RNF135: variants seen among roughly 807,000 people sequenced by gnomAD.
The protein encoded by RNF135 is ring finger protein 135, also known as E3 ubiquitin-protein ligase RNF135.
In RNF135, 46 loss-of-function variants were observed where a neutral mutation model predicts 41.9. The observed-to-expected ratio is 1.10, with a 90% CI of 0.87 to 1.40. The LOEUF (loss-of-function observed/expected upper bound fraction) is 1.40, where lower values mean the gene tolerates loss of function less well. RNF135 is among the 40% of genes most tolerant of loss of function. The pLI, the probability that RNF135 is intolerant of heterozygous loss-of-function variation, is 0.00. For missense variants in RNF135, 539 were observed against 549.8 expected (o/e 0.98, Z 0.20); for synonymous variants, 238 against 223.8 (o/e 1.06, Z -0.57).
In RNF135 at chr17:30,976,164, C is replaced by A. The variant is rs187964107; in HGVS notation, c.372+4719C>A. Among the ~76,000 whole-genome samples the A allele has an allele frequency of 2.6e-5, 4 of 152,284 alleles. No individual in the cohort carries two copies. The East Asian group carries it at 5.8e-4, about 22-fold the overall frequency. On this transcript the variant is annotated intron_variant, in intron 1 of 4. Transcript: ENST00000328381. ...GGGATTACAGGCACACGCCACCACA[C>A]CTGGCTAATTTTTGTATTTTTAGTA...
At position 30,971,247 on chromosome 17, in the gene RNF135, C is replaced by T; in HGVS notation, c.174C>T (p.Ala58=). 1 of 1,521,364 alleles carries T rather than the reference C, an allele frequency of 6.6e-7. No homozygotes were observed. The highest frequency in any genetic ancestry group is 8.8e-7 in the Non-Finnish European group (1 of 1,139,972). The allele number at this position is 1,521,364 out of a possible 1,614,324, so 94.2% of individuals were successfully genotyped here. The change falls in exon 1 of 5, where the codon GCC becomes GCT. Residue 58 remains alanine (A), a synonymous_variant. Transcript: ENST00000328381. ...GCGCCCGCGACGCCCGCCGCTGGGC[C>T]TGCCCCACTTGCCGCCAGGGCGCCG... ...LWGARDARRW[A]CPTCRQGAAQ... is the part of the protein sequence containing the mutation.
At chr17:30,970,955 G>A (rs1905840967), upstream of RNF135, 3 of 1,386,532 alleles carry the variant, frequency 2.2e-6, no homozygotes, top group African/African-American at 2.9e-5. Context: ...GCCAAGGAAG[G>A]AGGAGAAAAG....
chr17:30,961,360 T>C, the RNF135 span, among the ~76,000 whole-genome samples: 1 of 152,182 alleles, frequency 6.6e-6, no homozygotes, highest in African/African-American at 2.4e-5. Flanking sequence ...ACAATGCAAC[T>C]GAGCTAATTC....
the RNF135 span, among the ~76,000 whole-genome samples, chr17:30,963,332 C>T: frequency 6.6e-6 from 1 of 151,922 alleles, no homozygotes; most frequent in Non-Finnish European, 1.5e-5. Context: ...CCTGTAATCC[C>T]AGCACTTTGG....
intron 3 of RNF135, among the ~76,000 whole-genome samples, chr17:30,991,571 C>T (rs1395284789): frequency 1.3e-5 from 2 of 151,950 alleles, no homozygotes; most frequent in Non-Finnish European, 1.5e-5. Context: ...CACCTGCCAC[C>T]AGGCCTCACT....
chr17:30,976,723 T>C (rs755879114), intron 1 of RNF135, among the ~76,000 whole-genome samples: 1 of 152,238 alleles, frequency 6.6e-6, no homozygotes, highest in Non-Finnish European at 1.5e-5. Context: ...ATAGATTTTG[T>C]TTTGAAATCT....
chr17:30,997,224 A>G lies in RNF135; in HGVS notation c.680-18A>G. 1 of 1,607,174 alleles carries G rather than the reference A, an allele frequency of 6.2e-7. No homozygotes were observed. Among genetic ancestry groups the G allele is most frequent in the South Asian group, 1.1e-5 (1 of 90,918 alleles). On this transcript the variant is annotated intron_variant, in intron 3 of 4. Coordinates refer to ENST00000328381, the MANE Select transcript of RNF135 (RefSeq NM_032322.4). ...TTTTCTGATGGGACTTTCCTCTGTTAATTTTTTTGTTACTTAGGAGAACTC... is the reference window on the plus strand; with the variant it reads ...TTTTCTGATGGGACTTTCCTCTGTTGATTTTTTTGTTACTTAGGAGAACTC...
At chr17:30,996,671 C>G (rs1294705105) in intron 3 of RNF135, among the ~76,000 whole-genome samples, 1 of 152,180 alleles carries the variant, frequency 6.6e-6, no homozygotes, top group Non-Finnish European at 1.5e-5. Flanking sequence ...AGTCTGCACT[C>G]TAGGACTTCC....
At chr17:30,965,085 T>G in the RNF135 span, 1 of 152,028 alleles carries the variant, frequency 6.6e-6, no homozygotes, top group African/African-American at 2.4e-5. Context: ...ACGTGGTGAC[T>G]CATGCTGTAA....
chr17:30,998,575 T>C, intron 4 of RNF135, 87 bp from the exon 5 acceptor site: 2 of 1,304,384 alleles, frequency 1.5e-6, no homozygotes, highest in Non-Finnish European at 1.1e-6. Flanking sequence ...CACCAAAAGA[T>C]ACAAAGTTGC....
At chr17:30,970,830 A>C, upstream of RNF135, 2 of 571,646 alleles carry the variant, frequency 3.5e-6, no homozygotes, top group Non-Finnish European at 6.1e-6. Context: ...AGCTCGCGGC[A>C]TGTTGGTTTC....
upstream of RNF135, chr17:30,970,954 G>A (rs919266891): frequency 1.4e-5 from 19 of 1,378,280 alleles, no homozygotes; most frequent in Non-Finnish European, 1.8e-5. Flanking sequence ...CGCCAAGGAA[G>A]GAGGAGAAAA....
chr17:30,970,232 G>A (rs1905777719), upstream of RNF135: 1 of 150,750 alleles, frequency 6.6e-6, no homozygotes, highest in Admixed American at 6.6e-5. Flanking sequence ...CTGGGAGGAC[G>A]TGGTGCTCTT....
rs1908540221 is a variant in RNF135, at chr17:30,998,739, G to T, written c.847G>T (p.Val283Leu). 17 of 1,613,308 alleles carry T rather than the reference G, an allele frequency of 1.1e-5. No individual in the cohort carries two copies. The highest frequency in any genetic ancestry group is 1.4e-5 in the Non-Finnish European group (17 of 1,179,818). Residue 283 changes from valine to leucine, a missense_variant, in exon 5 of 5, where the codon GTG becomes TTG. Physicochemically the swap from Val to Leu is conservative, Grantham distance 32. Coordinates refer to ENST00000328381, the MANE Select transcript of RNF135 (RefSeq NM_032322.4). ...EVSKDSRTVT[V>L]SHRPQPYRWS... ...GTCCAAGGATTCCCGTACAGTGACTGTGTCTCACCGCCCACAACCCTATCG... is the reference window on the plus strand; with the variant it reads ...GTCCAAGGATTCCCGTACAGTGACTTTGTCTCACCGCCCACAACCCTATCG...
At chr17:30,961,340 C>G in the RNF135 span, among the ~76,000 whole-genome samples, 6 of 152,154 alleles carry the variant, frequency 3.9e-5, no homozygotes, top group African/African-American at 1.4e-4. Context: ...CACAATAAGC[C>G]TCAGCATTCA....
Position 30,971,426 on chromosome 17 carries a change from G to A in RNF135, c.353G>A (p.Arg118His), listed in dbSNP as rs1191613060. 6.6e-7 allele frequency: 1 copy of A among 1,515,074 alleles called. No individual in the cohort carries two copies. Among genetic ancestry groups the A allele is most frequent in the Admixed American group, 2.0e-5 (1 of 49,058 alleles). The allele number at this position is 1,515,074 out of a possible 1,614,324, so 93.9% of individuals were successfully genotyped here. Residue 118 changes from arginine (R) to histidine (H), a missense_variant, in exon 1 of 5, where the codon CGC becomes CAC. By Grantham distance (29) the Arg-to-His change is conservative. Transcript: ENST00000328381. Reference protein sequence around the residue: ...SLSSAAARPRRRPELQRVAVE... With the variant: ...SLSSAAARPRHRPELQRVAVE... ...TCCAGCGCGGCCGCGAGGCCCCGGC[G>A]CCGCCCGGAACTGCAGCGGGTAGGG...
chr17:30,990,960 A>G (rs1907942865), intron 3 of RNF135, among the ~76,000 whole-genome samples: 1 of 152,222 alleles, frequency 6.6e-6, no homozygotes, highest in South Asian at 2.1e-4. Context: ...GCTAAAATCA[A>G]TAACTGTGTA....
intron 3 of RNF135, among the ~76,000 whole-genome samples, chr17:30,995,997 G>A (rs1025729626): frequency 6.6e-6 from 1 of 151,404 alleles, no homozygotes; most frequent in East Asian, 1.9e-4. Flanking sequence ...GGCAGGTCTC[G>A]AACTCCTGAC....
At chr17:30,979,069 C>G (rs1906722109) in intron 1 of RNF135, 1 of 167,330 alleles carries the variant, frequency 6.0e-6, no homozygotes, top group African/African-American at 2.5e-5. Context: ...TCCCGCCTTT[C>G]TATTCCACAA....
Sources: allele counts gnomAD v4.1 joint callset (sites outside exome capture counted in the v4.1 genomes callset), GRCh38; gene constraint gnomAD v4.1.1; transcripts MANE v1.5; gene names NCBI Gene and HGNC (gene_info 2026-07-23, HGNC 2026-07-21).